The following IMMP2L variants were observed in gnomAD, a reference collection of about 807,000 sequenced individuals.
IMMP2L encodes inner mitochondrial membrane peptidase subunit 2, also known as mitochondrial inner membrane protease subunit 2.
A neutral mutation model predicts 19.3 loss-of-function variants in IMMP2L; 18 were observed. The ratio of observed to expected loss-of-function variants is 0.93; its 90% CI spans 0.64 to 1.38. IMMP2L has a LOEUF of 1.38. Among genes scored for constraint, IMMP2L ranks in the 40% most tolerant of loss-of-function variants. The pLI is 0.00. For synonymous variants in IMMP2L, 76 were observed against 73.0 expected (o/e 1.04, Z -0.21); for missense variants, 233 against 218.2 (o/e 1.07, Z -0.43).
chr7:110,797,323 C>T (rs1800931298), intron 5 of IMMP2L, among the ~76,000 whole-genome samples: 1 of 151,960 alleles, frequency 6.6e-6, no homozygotes, highest in African/African-American at 2.4e-5. Context: ...CACAGTAGAA[C>T]ATATGTGTAG....
At chr7:110,961,026 T>A (rs1322691666) in intron 4 of IMMP2L, among the ~76,000 whole-genome samples, 1 of 151,752 alleles carries the variant, frequency 6.6e-6, no homozygotes, top group Non-Finnish European at 1.5e-5. Flanking sequence ...TAAAAAATAT[T>A]CACAATACCA....
At chr7:110,840,762 C>T (rs1804994568) in intron 5 of IMMP2L, among the ~76,000 whole-genome samples, 1 of 152,008 alleles carries the variant, frequency 6.6e-6, no homozygotes, top group Non-Finnish European at 1.5e-5. Flanking sequence ...ATGATTGTAT[C>T]ACATATATAC....
chr7:110,974,456 C>T (rs755924769), intron 3 of IMMP2L, among the ~76,000 whole-genome samples: 3 of 151,982 alleles, frequency 2.0e-5, no homozygotes, highest in Non-Finnish European at 4.4e-5. Context: ...ATAGTCTAAC[C>T]GTATTACCTA....
chr7:111,136,846 C>A (rs908648926), intron 3 of IMMP2L, among the ~76,000 whole-genome samples: 3 of 152,164 alleles, frequency 2.0e-5, no homozygotes, highest in African/African-American at 7.2e-5. Flanking sequence ...GAGAAAGATT[C>A]TTTCAGCAAC....
chr7:111,044,919 C>G (rs1585928132), intron 3 of IMMP2L, among the ~76,000 whole-genome samples: 1 of 152,200 alleles, frequency 6.6e-6, no homozygotes, highest in East Asian at 1.9e-4. Context: ...TATTTATACA[C>G]TGCCTGGACT....
chr7:111,292,992 T>C (rs1821268066), intron 3 of IMMP2L, among the ~76,000 whole-genome samples: 1 of 151,958 alleles, frequency 6.6e-6, no homozygotes, highest in Admixed American at 6.6e-5. Context: ...GTCAAAATAA[T>C]AAGTCAAAAG....
chr7:111,447,770 A>G (rs1305619423), intron 3 of IMMP2L, among the ~76,000 whole-genome samples: 2 of 151,896 alleles, frequency 1.3e-5, no homozygotes, highest in African/African-American at 4.8e-5. Context: ...GGCAAGTTGG[A>G]TAAAGAGTCA....
At chr7:110,790,444 G>A (rs1190313413) in intron 5 of IMMP2L, among the ~76,000 whole-genome samples, 1 of 151,796 alleles carries the variant, frequency 6.6e-6, no homozygotes, top group African/African-American at 2.4e-5. Flanking sequence ...GAAGCATCAA[G>A]GGGACCAGTC....
intron 3 of IMMP2L, among the ~76,000 whole-genome samples, chr7:111,303,073 TC>T (rs1258243757): frequency 1.3e-5 from 2 of 152,164 alleles, no homozygotes; most frequent in African/African-American, 4.8e-5. Context: ...CATTTGGAAT[TC>T]TGAAACTGCA....
At chr7:111,125,049 G>T in intron 3 of IMMP2L, 1 of 590,738 alleles carries the variant, frequency 1.7e-6, no homozygotes, top group Non-Finnish European at 2.9e-6. Context: ...CACCAATGCT[G>T]CTCCTGACCA....
chr7:110,894,364 AAG>A (rs1811112841), intron 4 of IMMP2L, among the ~76,000 whole-genome samples: 1 of 152,170 alleles, frequency 6.6e-6, no homozygotes, highest in Non-Finnish European at 1.5e-5. Context: ...ACCAATGTTT[AAG>A]AGTTTCTGTT....
At chr7:111,498,604 T>C (rs1843825942) in intron 2 of IMMP2L, among the ~76,000 whole-genome samples, 2 of 151,970 alleles carry the variant, frequency 1.3e-5, no homozygotes, top group African/African-American at 4.8e-5. Flanking sequence ...TTTAGGAGGC[T>C]GCATGATTCC....
intron 5 of IMMP2L, among the ~76,000 whole-genome samples, chr7:110,736,239 A>G (rs2130844443): frequency 6.6e-6 from 1 of 152,310 alleles, no homozygotes; most frequent in South Asian, 2.1e-4. Flanking sequence ...GGGTCCAGGC[A>G]CAGGCAGGGC....
chr7:110,917,354 C>T (rs1204607327), intron 4 of IMMP2L, among the ~76,000 whole-genome samples: 2 of 152,162 alleles, frequency 1.3e-5, no homozygotes, highest in Non-Finnish European at 2.9e-5. Flanking sequence ...ACCAATACTA[C>T]ATTTTTTTCT....
chr7:111,266,600 C>T (rs74741846), intron 3 of IMMP2L, among the ~76,000 whole-genome samples: 1,777 of 149,320 alleles, frequency 0.012, 14 homozygotes, highest in Non-Finnish European at 0.017. Context: ...GCACTAAGAA[C>T]ATCAGTTTAG....
At chr7:111,266,350 C>T (rs1817829162) in intron 3 of IMMP2L, among the ~76,000 whole-genome samples, 1 of 151,922 alleles carries the variant, frequency 6.6e-6, no homozygotes, top group Non-Finnish European at 1.5e-5. Flanking sequence ...GAAGACCAGC[C>T]TGGCCAACAT....
chr7:110,744,814 A>G (rs1797224026), intron 5 of IMMP2L, among the ~76,000 whole-genome samples: 2 of 152,230 alleles, frequency 1.3e-5, no homozygotes, highest in African/African-American at 4.8e-5. Flanking sequence ...AAAAAGGCTG[A>G]AAATTCCAAA....
At chr7:111,474,351 C>T (rs1224909638) in intron 3 of IMMP2L, among the ~76,000 whole-genome samples, 1 of 152,026 alleles carries the variant, frequency 6.6e-6, no homozygotes, top group Non-Finnish European at 1.5e-5. Flanking sequence ...TTTTTAAAGT[C>T]CACAATATGA....
At chr7:111,374,967 A>T (rs1007449518) in intron 3 of IMMP2L, among the ~76,000 whole-genome samples, 8 of 152,148 alleles carry the variant, frequency 5.3e-5, no homozygotes, top group African/African-American at 1.9e-4. Context: ...CGATGTATCA[A>T]GAAGACTTGA....
Sources: gnomAD v4.1 joint callset for allele counts (sites outside exome capture counted in the v4.1 genomes callset) on GRCh38, gnomAD v4.1.1 for gene constraint, MANE v1.5 for transcripts, NCBI Gene and HGNC (gene_info 2026-07-23, HGNC 2026-07-21) for gene names.